The following TMED6 variants were observed in gnomAD, a reference collection of about 807,000 sequenced individuals.
TMED6 encodes transmembrane emp24 domain-containing protein 6.
Under a neutral mutation model 26.5 loss-of-function variants are expected in TMED6, and 17 were observed. The observed-to-expected ratio is 0.64, with a 90% CI of 0.44 to 0.96. The LOEUF (loss-of-function observed/expected upper bound fraction) is 0.96. Among genes scored for constraint, TMED6 ranks in the 40% least tolerant of loss-of-function variants. The pLI is 0.00. For synonymous variants in TMED6, 107 were observed against 106.2 expected (o/e 1.01, Z -0.04); for missense variants, 309 against 296.5 (o/e 1.04, Z -0.31).
chr16:69,344,456 T>C (rs1176364646), intron 3 of TMED6, among the ~76,000 whole-genome samples: 1 of 152,180 alleles, frequency 6.6e-6, no homozygotes, highest in Non-Finnish European at 1.5e-5. Flanking sequence ...TGAGCTTTTG[T>C]GCATTTAGGA....
At chr16:69,347,750 T>G (rs746211581) in intron 3 of TMED6, 38 bp downstream of exon 3, 1 of 1,609,084 alleles carries the variant, frequency 6.2e-7, no homozygotes, top group East Asian at 2.2e-5. Context: ...AAAAATCAGT[T>G]TCCACAGATG....
chr16:69,349,392 G>A (rs2012739949), intron 2 of TMED6, 133 bp downstream of exon 2: 2 of 1,134,600 alleles, frequency 1.8e-6, no homozygotes, highest in South Asian at 1.5e-5. Flanking sequence ...GCAGCCTCCA[G>A]GAACACTGGT....
chr16:69,343,349 A>G lies in TMED6; in HGVS notation c.*58T>C, dbSNP rs932268492. On this transcript the variant is annotated 3_prime_UTR_variant, in exon 4 of 4. Coordinates refer to ENST00000288025, the MANE Select transcript of TMED6 (RefSeq NM_144676.4). Reference sequence around the variant, plus strand: ...ATTGATTTTTGTCCCATAACATTACAAAGCTGATTCGACTAAGCCCCAGAA... The same window carrying G: ...ATTGATTTTTGTCCCATAACATTACGAAGCTGATTCGACTAAGCCCCAGAA... 2 of 1,457,436 alleles carry G rather than the reference A, an allele frequency of 1.4e-6. No homozygotes were observed. The highest frequency in any genetic ancestry group is 1.9e-6 in the Non-Finnish European group (2 of 1,062,338). 90.3% of individuals were successfully genotyped at this position (1,457,436 alleles called of 1,614,324 possible).
intron 1 of TMED6, among the ~76,000 whole-genome samples, chr16:69,351,299 C>T (rs933988266): frequency 2.0e-5 from 3 of 152,146 alleles, no homozygotes; most frequent in Non-Finnish European, 2.9e-5. Flanking sequence ...AGAGGCACCC[C>T]GTCTGCCCCA....
intron 2 of TMED6, among the ~76,000 whole-genome samples, chr16:69,348,801 G>T (rs2142683229): frequency 6.6e-6 from 1 of 152,256 alleles, no homozygotes; most frequent in South Asian, 2.1e-4. Flanking sequence ...TTTTAGTAGA[G>T]ACGGGGTTTC....
chr16:69,346,661 G>A (rs115631480), intron 3 of TMED6, among the ~76,000 whole-genome samples: 3,188 of 152,244 alleles, frequency 0.021, 118 homozygotes, highest in African/African-American at 0.072. Context: ...CTACTTGGGA[G>A]GAGGAGAATC....
intron 3 of TMED6, among the ~76,000 whole-genome samples, chr16:69,347,367 G>A (rs190302935): frequency 3.6e-4 from 55 of 152,254 alleles, no homozygotes; most frequent in African/African-American, 1.1e-3. Context: ...GCTTCAAGTC[G>A]TAATTTATTT....
intron 1 of TMED6, 109 bp from the exon 2 acceptor site, chr16:69,349,760 G>C (rs1001305903): frequency 4.9e-6 from 7 of 1,417,548 alleles, no homozygotes; most frequent in African/African-American, 1.4e-5. Context: ...TCTCTGTCTG[G>C]GGTGGGACTG....
At chr16:69,348,851 G>A (rs2012731825) in intron 2 of TMED6, among the ~76,000 whole-genome samples, 1 of 152,200 alleles carries the variant, frequency 6.6e-6, no homozygotes, top group South Asian at 2.1e-4. Context: ...CTGACCTCAG[G>A]TGATCCGCCC....
intron 1 of TMED6, among the ~76,000 whole-genome samples, chr16:69,351,069 T>C (rs1275353863): frequency 2.6e-5 from 4 of 151,880 alleles, no homozygotes; most frequent in African/African-American, 7.3e-5. Flanking sequence ...ACTGGCCGAA[T>C]ACAAAAAACT....
chr16:69,345,631 C>T (rs1011688951), intron 3 of TMED6, among the ~76,000 whole-genome samples: 14 of 138,086 alleles, frequency 1.0e-4, no homozygotes, highest in Admixed American at 4.9e-4. Context: ...TGCAGTGAGC[C>T]GAGATCACAC....
rs1029273973 is a variant in TMED6, at chr16:69,351,425, T to A, written c.213+116A>T. 3 of 898,018 alleles carry A rather than the reference T, an allele frequency of 3.3e-6. No individual in the cohort carries two copies. In the East Asian group the frequency reaches 7.6e-5, roughly 23 times the overall value. 55.6% of individuals were successfully genotyped at this position (898,018 alleles called of 1,614,324 possible). ...ACTGCAGGTCCATTTCATTAACAGG[T>A]GGGGAATCACAGCATAATAAAGACA... On this transcript the variant is annotated intron_variant, in intron 1 of 3. Coordinates refer to ENST00000288025, the MANE Select transcript of TMED6 (RefSeq NM_144676.4).
At chr16:69,344,646 G>A (rs1225502948) in intron 3 of TMED6, among the ~76,000 whole-genome samples, 3 of 151,436 alleles carry the variant, frequency 2.0e-5, no homozygotes, top group African/African-American at 7.3e-5. Context: ...GGTGGCACAC[G>A]CCTGTAATCC....
chr16:69,347,663 T>C lies in TMED6; in HGVS notation c.489+125A>G. The C allele has an allele frequency of 2.1e-6, 3 of 1,400,992 alleles. No homozygotes were observed. In the South Asian group the frequency reaches 4.0e-5, roughly 19 times the overall value. 86.8% of individuals were successfully genotyped at this position (1,400,992 alleles called of 1,614,324 possible). On this transcript the variant is annotated intron_variant, in intron 3 of 3. Coordinates refer to ENST00000288025, the MANE Select transcript of TMED6 (RefSeq NM_144676.4). ...GCGTGAGCCACCGTGCCCAGCCAAG[T>C]CATAATTTATGAAGAAATTCACATC...
chr16:69,348,935 T>C (rs1208842001), intron 2 of TMED6, among the ~76,000 whole-genome samples: 2 of 152,226 alleles, frequency 1.3e-5, no homozygotes, highest in Non-Finnish European at 2.9e-5. Flanking sequence ...CTTTTAACAC[T>C]GATACACATG....
chr16:69,348,153 G>T, intron 2 of TMED6: 3 of 453,268 alleles, frequency 6.6e-6, no homozygotes, highest in Admixed American at 3.5e-5. Context: ...TTAGTAACTC[G>T]TTCTTTCCAT....
At chr16:69,348,372 C>G (rs946622003) in intron 2 of TMED6, 1 of 162,224 alleles carries the variant, frequency 6.2e-6, no homozygotes, top group South Asian at 1.7e-4. Flanking sequence ...AAGCAGCTCT[C>G]CTGGAGTGAT....
At chr16:69,349,470 T>C in intron 2 of TMED6, 55 bp downstream of exon 2, 1 of 1,572,998 alleles carries the variant, frequency 6.4e-7, no homozygotes, top group East Asian at 2.3e-5. Flanking sequence ...TCATTATTTC[T>C]GTAATTTCAT....
In TMED6 at chr16:69,349,611, G is replaced by A. The variant is rs140507413; in HGVS notation, c.254C>T (p.Ala85Val). The A allele has an allele frequency of 9.3e-6, 15 of 1,613,788 alleles. 1 individual carries two copies. In the African/African-American group the frequency reaches 1.9e-4, roughly 20 times the overall value. ...TCCCTGTGGGTTATGTGCCGTGGCA[G>A]CAACATGCCGGTCATGTGACATCCC... ...TVGMSHDRHV[A>V]ATAHNPQGFL... The change falls in exon 2 of 4, where the codon GCT (alanine) becomes GTT (valine). Residue 85 changes from alanine (A) to valine (V), a missense_variant. Transcript: ENST00000288025.
Sources: allele counts gnomAD v4.1 joint callset (sites outside exome capture counted in the v4.1 genomes callset), GRCh38; gene constraint gnomAD v4.1.1; transcripts MANE v1.5; gene names NCBI Gene and HGNC (gene_info 2026-07-23, HGNC 2026-07-21).